ASH1L: variants seen among roughly 807,000 people sequenced by gnomAD.
ASH1L encodes ASH1 like histone lysine methyltransferase, also known as histone-lysine N-methyltransferase ASH1L.
In ASH1L, 23 loss-of-function variants were observed where a neutral mutation model predicts 269.0. That is an observed-to-expected ratio of 0.09 (90% CI 0.06 to 0.12). ASH1L has a LOEUF of 0.12. Ranked by LOEUF, ASH1L falls within the 10% of genes least tolerant of loss-of-function variation. The pLI, the probability that ASH1L is intolerant of heterozygous loss-of-function variation, is 1.00. For missense variants in ASH1L, 2,912 were observed against 3,567.8 expected, an observed-to-expected ratio of 0.82 and a Z score of 4.68; for synonymous variants, 1,187 against 1,253.5, an observed-to-expected ratio of 0.95 and a Z score of 1.12.
chr1:155,362,447 C>T (rs1435115785), intron 12 of ASH1L, among the ~76,000 whole-genome samples: 1 of 150,624 alleles, frequency 6.6e-6, no homozygotes, highest in Admixed American at 6.6e-5. Flanking sequence ...CTAACATTTA[C>T]TGAATGCTTT....
chr1:155,337,833 G>T, intron 27 of ASH1L, 82 bp from the exon 28 acceptor site: 2 of 1,309,640 alleles, frequency 1.5e-6, no homozygotes, highest in Non-Finnish European at 1.1e-6. Flanking sequence ...GAGAGCACAC[G>T]AACTCAATGA....
At chr1:155,550,175 C>A (rs1162627212) in intron 1 of ASH1L, among the ~76,000 whole-genome samples, 1 of 152,138 alleles carries the variant, frequency 6.6e-6, no homozygotes, top group Non-Finnish European at 1.5e-5. Context: ...TGTGCACCAC[C>A]ACGCCCAGCT....
intron 26 of ASH1L, 55 bp from the exon 27 acceptor site, chr1:155,338,445 G>A (rs1219543441): frequency 6.5e-7 from 1 of 1,548,680 alleles, no homozygotes; most frequent in Non-Finnish European, 8.8e-7. Flanking sequence ...AAAAGGGGAT[G>A]AAGGGTAGGA....
chr1:155,335,895 C>T lies in ASH1L; in HGVS notation c.*1765G>A, dbSNP rs1652272247. ...CCCAAAGTGCCCCTAGTCCCACCTCCCTCCCACCCACTCCCTGCAATGAAA... is the reference window on the plus strand; with the variant it reads ...CCCAAAGTGCCCCTAGTCCCACCTCTCTCCCACCCACTCCCTGCAATGAAA... On this transcript the variant is annotated 3_prime_UTR_variant, in exon 28 of 28. Coordinates refer to ENST00000392403, the MANE Select transcript of ASH1L (RefSeq NM_018489.3). The T allele has an allele frequency of 6.6e-6, 1 of 152,444 alleles. No individual in the cohort carries two copies. The highest frequency in any genetic ancestry group is 1.5e-5 in the Non-Finnish European group (1 of 67,982). The allele number at this position is 152,444 out of a possible 1,614,324, so 9.4% of individuals were successfully genotyped here.
intron 6 of ASH1L, among the ~76,000 whole-genome samples, chr1:155,397,901 T>C (rs1018038537): frequency 6.6e-6 from 1 of 152,170 alleles, no homozygotes; most frequent in Non-Finnish European, 1.5e-5. Flanking sequence ...ATAAACATCA[T>C]GTGCTTTAGG....
At chr1:155,357,250 A>T (rs1245441556) in intron 15 of ASH1L, 66 bp downstream of exon 15, 1 of 1,367,558 alleles carries the variant, frequency 7.3e-7, no homozygotes, top group Non-Finnish European at 1.0e-6. Flanking sequence ...AAGTTTCATA[A>T]TTTTTTACAC....
chr1:155,441,189 G>C (rs1211277846), intron 4 of ASH1L, among the ~76,000 whole-genome samples: 2 of 152,098 alleles, frequency 1.3e-5, no homozygotes, highest in African/African-American at 4.8e-5. Context: ...TTGTAGTCTA[G>C]TCCCTCTCTG....
chr1:155,506,900 C>T lies in ASH1L; in HGVS notation c.420+14200G>A, dbSNP rs567453151. 1.7e-3 allele frequency among the ~76,000 whole-genome samples: 252 copies of T among 152,184 alleles called. 1 individual carries two copies. The highest frequency in any genetic ancestry group is 3.4e-3 in the Middle Eastern group (1 of 294). Reference sequence around the variant, plus strand: ...TTTGACCCCAGGAGTTCAAGACCAGCCTGGCCAACATAGCCAGACTGTTTC... The same window carrying T: ...TTTGACCCCAGGAGTTCAAGACCAGTCTGGCCAACATAGCCAGACTGTTTC... On this transcript the variant is annotated intron_variant, in intron 2 of 27. Coordinates refer to ENST00000392403, the MANE Select transcript of ASH1L (RefSeq NM_018489.3).
rs537537337 is a variant in ASH1L, at chr1:155,502,292, G to C, written c.420+18808C>G. Among the ~76,000 whole-genome samples, 48 of 151,746 alleles carry C rather than the reference G, an allele frequency of 3.2e-4. No homozygotes were observed. The South Asian group carries it at 9.8e-3, about 31-fold the overall frequency. On this transcript the variant is annotated intron_variant, in intron 2 of 27. Transcript: ENST00000392403. Reference sequence around the variant, plus strand: ...TCACCATGTTGGCCAGGATAGTCTCGATCTCTTGATCTTGTGATTCGCCCG... The same window carrying C: ...TCACCATGTTGGCCAGGATAGTCTCCATCTCTTGATCTTGTGATTCGCCCG...
chr1:155,554,969 C>T (rs938023235), intron 1 of ASH1L, among the ~76,000 whole-genome samples: 5 of 151,164 alleles, frequency 3.3e-5, no homozygotes, highest in Admixed American at 2.6e-4. Context: ...ATGGTGAAAC[C>T]CCATCTCTAC....
chr1:155,521,846 T>C (rs1668907689), intron 1 of ASH1L, among the ~76,000 whole-genome samples: 1 of 152,232 alleles, frequency 6.6e-6, no homozygotes, highest in Admixed American at 6.5e-5. Flanking sequence ...CATAGTGGTA[T>C]GGTGCAAATG....
chr1:155,438,927 G>A lies in ASH1L; in HGVS notation c.5228C>T (p.Ala1743Val). Residue 1743 changes from alanine to valine, a missense_variant, in exon 5 of 28, where the codon GCA becomes GTA. Physicochemically the swap from Ala to Val is moderately conservative, Grantham distance 64. This residue lies in a region of ASH1L where 789 missense variants were observed against 897.6 expected (regional missense o/e 0.88). Transcript: ENST00000392403. ...ACGGCCTGGACTGGAAGAAGGTGGT[G>A]CAGAGGCAGTTGCAATCACAGCATC... Reference protein sequence around the residue: ...SIDAVIATASAPPSSSPGRSH... With the variant: ...SIDAVIATASVPPSSSPGRSH... 2 of 1,614,180 alleles carry A rather than the reference G, an allele frequency of 1.2e-6. No individual in the cohort carries two copies. The highest frequency in any genetic ancestry group is 1.7e-6 in the Non-Finnish European group (2 of 1,180,028).
upstream of ASH1L, chr1:155,562,825 C>G (rs1275617948): frequency 1.8e-6 from 1 of 544,478 alleles, no homozygotes; most frequent in African/African-American, 1.9e-5. Flanking sequence ...CCTCCACCTC[C>G]TCTTCTCTCC....
chr1:155,502,051 G>A (rs1241597175), intron 2 of ASH1L, among the ~76,000 whole-genome samples: 2 of 147,974 alleles, frequency 1.4e-5, no homozygotes, highest in Non-Finnish European at 3.0e-5. Context: ...AGTTATGACA[G>A]TTTTCTTTTC....
intron 3 of ASH1L, among the ~76,000 whole-genome samples, chr1:155,460,749 T>C (rs773828495): frequency 2.6e-5 from 4 of 152,232 alleles, no homozygotes; most frequent in Non-Finnish European, 4.4e-5. Flanking sequence ...ATACAGTAAG[T>C]TTCTTTTAAA....
intron 26 of ASH1L, 72 bp downstream of exon 26, chr1:155,339,256 T>C: frequency 7.2e-7 from 1 of 1,395,846 alleles, no homozygotes; most frequent in Non-Finnish European, 1.0e-6. Context: ...AGTGGGTAGT[T>C]GTTTGTTTTC....
intron 8 of ASH1L, among the ~76,000 whole-genome samples, 196 bp from the exon 9 acceptor site, chr1:155,378,744 A>G (rs114118370): frequency 0.02 from 3,114 of 152,310 alleles, 102 homozygotes; most frequent in African/African-American, 0.072. Flanking sequence ...AGGTGAGAGA[A>G]TAAGATTCAA....
chr1:155,461,199 G>C lies in ASH1L; in HGVS notation c.4985-1301C>G, dbSNP rs1191264538. On this transcript the variant is annotated intron_variant, in intron 3 of 27. Transcript: ENST00000392403. Reference sequence around the variant, plus strand: ...TGATTAATTCTCTAAGAAAACTTAGGGTCAGAAGAACTGAATGGAGCTAAG... The same window carrying C: ...TGATTAATTCTCTAAGAAAACTTAGCGTCAGAAGAACTGAATGGAGCTAAG... Among the ~76,000 whole-genome samples, 11 of 152,164 alleles carry C rather than the reference G, an allele frequency of 7.2e-5. No homozygotes were observed. The East Asian group carries it at 2.1e-3, about 29-fold the overall frequency.
In ASH1L at chr1:155,360,293, A is replaced by C. The variant is rs749705766; in HGVS notation, c.6795+8T>G. 2 of 1,563,256 alleles carry C rather than the reference A, an allele frequency of 1.3e-6. No individual in the cohort carries two copies. The highest frequency in any genetic ancestry group is 1.8e-6 in the Non-Finnish European group (2 of 1,133,994). Reference sequence around the variant, plus strand: ...GTTCAATCTCCCTCTAGGATTTATTATTCTTACCTGTTTTTCCACATTGAA... The same window carrying C: ...GTTCAATCTCCCTCTAGGATTTATTCTTCTTACCTGTTTTTCCACATTGAA... On this transcript the variant is annotated splice_region_variant and intron_variant, in intron 13 of 27. Transcript: ENST00000392403.
Sources: gnomAD v4.1 joint callset for allele counts (sites outside exome capture counted in the v4.1 genomes callset) on GRCh38, gnomAD v4.1.1 for gene constraint, gnomAD v4.1.1 regional missense constraint, MANE v1.5 for transcripts, NCBI Gene and HGNC (gene_info 2026-07-23, HGNC 2026-07-21) for gene names.